The following SEC31A variants were observed in gnomAD, a reference collection of about 807,000 sequenced individuals.
SEC31A encodes SEC31 homolog A, COPII component.
SEC31A carries 70 observed loss-of-function variants against 151.0 expected under a neutral mutation model. That is an observed-to-expected ratio of 0.46 (90% CI 0.38 to 0.57). SEC31A has a LOEUF of 0.57. Among genes scored for constraint, SEC31A ranks in the 20% least tolerant of loss-of-function variants. The pLI is 0.00. For synonymous variants in SEC31A, 475 were observed against 505.9 expected (o/e 0.94, Z 0.82); for missense variants, 1,330 against 1,471.2 (o/e 0.90, Z 1.57).
chr4:82,851,441 T>A lies in SEC31A; in HGVS notation c.2318A>T (p.Asn773Ile), dbSNP rs745490982. 1 of 1,611,648 alleles carries A rather than the reference T, an allele frequency of 6.2e-7. No individual in the cohort carries two copies. Among genetic ancestry groups the A allele is most frequent in the Non-Finnish European group, 8.5e-7 (1 of 1,178,872 alleles). The part of the protein sequence containing the change: ...IAAALAFLPD[N>I]TNQPNIMQLR... ...GTCAATTCTAATTACCTGGTTGGTG[T>A]TGTCAGGAAGAAAAGCCAAGGCTGC... Residue 773 changes from asparagine to isoleucine, a missense_variant, in exon 19 of 27, where the codon AAC (asparagine) becomes ATC (isoleucine). Coordinates refer to ENST00000395310, the MANE Select transcript of SEC31A (RefSeq NM_001077207.4).
Position 82,848,974 on chromosome 4 carries a change from T to A in SEC31A, c.2332A>T (p.Asn778Tyr), listed in dbSNP as rs776977004. The change falls in exon 20 of 27, where the codon AAT becomes TAT. Residue 778 changes from asparagine to tyrosine, a missense_variant. By Grantham distance (143) the Asn-to-Tyr change is moderately radical. Transcript: ENST00000395310. ...AFLPDNTNQP[N>Y]IMQLRDRLCR... ...AGTCTGTCACGAAGCTGCATGATAT[T>A]TGGCTAAAAAGGATTGGAAAAACAG... 5 of 1,612,304 alleles carry A rather than the reference T, an allele frequency of 3.1e-6. No homozygotes were observed. The East Asian group carries it at 8.9e-5, about 29-fold the overall frequency.
At chr4:82,858,500 C>T (rs1425899558) in intron 14 of SEC31A, among the ~76,000 whole-genome samples, 30 of 133,976 alleles carry the variant, frequency 2.2e-4, no homozygotes, top group Non-Finnish European at 3.3e-4. Flanking sequence ...GTTGAGATTG[C>T]GCCACTGCAC....
chr4:82,843,271 C>T (rs1490653619), intron 21 of SEC31A, among the ~76,000 whole-genome samples: 3 of 152,052 alleles, frequency 2.0e-5, no homozygotes, highest in Admixed American at 2.0e-4. Context: ...GCTGGGACTA[C>T]AGGCTATAGG....
intron 22 of SEC31A, among the ~76,000 whole-genome samples, chr4:82,836,532 C>T (rs891880120): frequency 5.9e-5 from 9 of 152,042 alleles, no homozygotes; most frequent in African/African-American, 2.2e-4. Flanking sequence ...TGGAGTATTA[C>T]TCAGCCTTAA....
chr4:82,873,602 C>T (rs1404887354), intron 6 of SEC31A, among the ~76,000 whole-genome samples: 1 of 152,124 alleles, frequency 6.6e-6, no homozygotes, highest in Non-Finnish European at 1.5e-5. Context: ...TGTTTTAAAA[C>T]TCCTGATTCA....
In SEC31A at chr4:82,859,170, A is replaced by G. The variant is rs139074474; in HGVS notation, c.1627-1406T>C. ...ATGGTACCCATAACATAAAAGTAAT[A>G]TAAGTACATTATTTATTAATACACT... On this transcript the variant is annotated intron_variant, in intron 14 of 26. Coordinates refer to ENST00000395310, the MANE Select transcript of SEC31A (RefSeq NM_001077207.4). Among the ~76,000 whole-genome samples the G allele has an allele frequency of 6.9e-3, 1,052 of 152,290 alleles. 14 individuals carry two copies. The highest frequency in any genetic ancestry group is 0.015 in the Admixed American group (233 of 15,294).
At chr4:82,859,578 C>A (rs997236628) in intron 14 of SEC31A, among the ~76,000 whole-genome samples, 1 of 152,040 alleles carries the variant, frequency 6.6e-6, no homozygotes, top group African/African-American at 2.4e-5. Context: ...AATTTTAATG[C>A]AGAGTACAGC....
chr4:82,837,158 CATATATATATATATATATATATAT>C (rs138120291), intron 22 of SEC31A, among the ~76,000 whole-genome samples: 4 of 42,660 alleles, frequency 9.4e-5, no homozygotes, highest in African/African-American at 3.6e-4. Context: ...TAAATTTTAT[CATATATATATATATATATATATAT>C]ATATATATAT....
Position 82,872,018 on chromosome 4 carries a change from G to T in SEC31A, c.708C>A (p.Asp236Glu), listed in dbSNP as rs767566669. The change falls in exon 7 of 27, where the codon GAC becomes GAA. Residue 236 changes from aspartate to glutamate, a missense_variant. By Grantham distance (45) the Asp-to-Glu change is conservative. Coordinates refer to ENST00000395310, the MANE Select transcript of SEC31A (RefSeq NM_001077207.4). ...CCCACATCTGGATCACTGGTAACCG[G>T]TCATCCTCGGAGGCAAGGACCATCT... is the stretch of plus-strand genomic sequence containing the variant. ...ATQMVLASED[D>E]RLPVIQMWDL... 9 of 1,614,010 alleles carry T rather than the reference G, an allele frequency of 5.6e-6. No homozygotes were observed. In the South Asian group the frequency reaches 7.7e-5, roughly 14 times the overall value.
At chr4:82,821,276 T>G (rs1723254254) in intron 25 of SEC31A, 168 bp from the exon 26 acceptor site, 2 of 588,378 alleles carry the variant, frequency 3.4e-6, no homozygotes, top group Admixed American at 3.0e-5. Flanking sequence ...TGGCCGGGCG[T>G]GGTGGCTCAC....
upstream of SEC31A, chr4:82,891,194 C>T: frequency 2.6e-6 from 4 of 1,532,726 alleles, no homozygotes; most frequent in Non-Finnish European, 3.5e-6. Flanking sequence ...CCTCCACGTT[C>T]CGTTCCAACG....
At chr4:82,877,331 T>C (rs945840140) in intron 4 of SEC31A, among the ~76,000 whole-genome samples, 2 of 151,842 alleles carry the variant, frequency 1.3e-5, no homozygotes, top group Non-Finnish European at 2.9e-5. Context: ...TTTAAAATTT[T>C]CTTAATACTC....
intron 22 of SEC31A, among the ~76,000 whole-genome samples, chr4:82,837,192 T>C (rs1424213598): frequency 1.7e-5 from 1 of 57,974 alleles, no homozygotes; most frequent in Admixed American, 2.7e-4. Context: ...TATATATATA[T>C]ATATATAATT....
At chr4:82,861,488 A>C (rs1734108547) in intron 14 of SEC31A, 143 bp downstream of exon 14, 6 of 568,780 alleles carry the variant, frequency 1.1e-5, no homozygotes, top group Non-Finnish European at 1.3e-5. Context: ...AGGTAGATAG[A>C]TTCCTATCCT....
chr4:82,867,402 A>C, intron 8 of SEC31A, 86 bp from the exon 9 acceptor site: 1 of 1,107,942 alleles, frequency 9.0e-7, no homozygotes, highest in South Asian at 1.5e-5. Flanking sequence ...GTGGTCAACA[A>C]GTATAGTTAA....
intron 3 of SEC31A, among the ~76,000 whole-genome samples, chr4:82,898,603 AT>A (rs1295646303): frequency 6.6e-6 from 1 of 152,240 alleles, no homozygotes; most frequent in Non-Finnish European, 1.5e-5. Flanking sequence ...AACAGCCCTC[AT>A]TTCAGATGAT....
chr4:82,844,317 T>G, intron 21 of SEC31A, 69 bp downstream of exon 21: 1 of 1,513,972 alleles, frequency 6.6e-7, no homozygotes, highest in South Asian at 1.2e-5. Flanking sequence ...ACTTTGGGGC[T>G]TCAAAGTAAA....
chr4:82,823,015 C>G (rs1723713458), intron 25 of SEC31A, among the ~76,000 whole-genome samples: 1 of 152,064 alleles, frequency 6.6e-6, no homozygotes, highest in Non-Finnish European at 1.5e-5. Context: ...TAGCTACAAA[C>G]AGGAGCCCTA....
In SEC31A at chr4:82,843,330, G is replaced by A. The variant is rs545101072; in HGVS notation, c.2627-849C>T. ...TACATTTTTCTTTTGTAGAGATGGCGTCTTCCTTTGTTCCCCAGGCTGGGG... is the reference window on the plus strand; with the variant it reads ...TACATTTTTCTTTTGTAGAGATGGCATCTTCCTTTGTTCCCCAGGCTGGGG... On this transcript the variant is annotated intron_variant, in intron 21 of 26. Transcript: ENST00000395310. 5.3e-5 allele frequency among the ~76,000 whole-genome samples: 8 copies of A among 152,166 alleles called. No homozygotes were observed. In the South Asian group the frequency reaches 1.0e-3, roughly 20 times the overall value.
Sources: allele counts gnomAD v4.1 joint callset (sites outside exome capture counted in the v4.1 genomes callset), GRCh38; gene constraint gnomAD v4.1.1; transcripts MANE v1.5; gene names NCBI Gene and HGNC (gene_info 2026-07-23, HGNC 2026-07-21).